CYP19A1: variants seen among roughly 807,000 people sequenced by gnomAD.
The protein encoded by CYP19A1 is cytochrome P450 family 19 subfamily A member 1.
A neutral mutation model predicts 44.4 loss-of-function variants in CYP19A1; 32 were observed. That is an observed-to-expected ratio of 0.72 (90% confidence interval 0.54 to 0.97). The LOEUF (loss-of-function observed/expected upper bound fraction) is 0.97. Among genes scored for constraint, CYP19A1 ranks in the 50% least tolerant of loss-of-function variants. The pLI, the probability that CYP19A1 is intolerant of heterozygous loss-of-function variation, is 0.00. For synonymous variants in CYP19A1, 212 were observed against 215.6 expected (o/e 0.98, Z 0.14); for missense variants, 598 against 637.8 (o/e 0.94, Z 0.67).
intron 2 of CYP19A1, among the ~76,000 whole-genome samples, chr15:51,242,485 T>C (rs1201880700): frequency 1.3e-5 from 2 of 152,110 alleles, no homozygotes; most frequent in African/African-American, 4.8e-5. Flanking sequence ...CTCCACCCCA[T>C]CTTGAGCTTG....
At chr15:51,321,315 C>T (rs1200572009) in intron 1 of CYP19A1, among the ~76,000 whole-genome samples, 2 of 152,194 alleles carry the variant, frequency 1.3e-5, no homozygotes, top group Non-Finnish European at 2.9e-5. Context: ...CTAGATCCCC[C>T]ATGACTGCCT....
At position 51,277,961 on chromosome 15, in the gene CYP19A1, T is replaced by TTTTG. The variant is rs1555395950; in HGVS notation, c.-38-35012_-38-35011insCAAA. 39 of 148,766 alleles carry TTTTG rather than the reference T, an allele frequency of 2.6e-4. 1 individual carries two copies. Among genetic ancestry groups the TTTTG allele is most frequent in the African/African-American group, 9.3e-4 (37 of 39,598 alleles). The allele number at this position is 148,766 out of a possible 1,614,324, so 9.2% of individuals were successfully genotyped here. A position where few individuals can be genotyped will look rare whatever the true frequency, so the allele number is the denominator to read the frequency against. On this transcript the variant is annotated intron_variant, in intron 1 of 9. Transcript: ENST00000396402. ...TCTTCAATAGTTGCATGAGTTTTTTTTTTTTTTTTTTTTTTCCCCAGGAAA... is the reference window on the plus strand; with the variant it reads ...TCTTCAATAGTTGCATGAGTTTTTTTTTTGTTTTTTTTTTTTTTTCCCCAGGAAA...
At chr15:51,272,539 C>CACTA (rs1156264528) in intron 1 of CYP19A1, among the ~76,000 whole-genome samples, 1 of 152,154 alleles carries the variant, frequency 6.6e-6, no homozygotes, top group Non-Finnish European at 1.5e-5. Flanking sequence ...AGGTAGTGAA[C>CACTA]ACTAAATAAG....
chr15:51,260,431 G>T (rs983832946), intron 1 of CYP19A1, among the ~76,000 whole-genome samples: 1 of 152,168 alleles, frequency 6.6e-6, no homozygotes, highest in Admixed American at 6.5e-5. Flanking sequence ...GCTAAAGCAG[G>T]CCCACACAGA....
chr15:51,233,270 T>A (rs995401418), intron 3 of CYP19A1, among the ~76,000 whole-genome samples: 5 of 152,204 alleles, frequency 3.3e-5, no homozygotes, highest in African/African-American at 1.2e-4. Flanking sequence ...CCCGGGACTA[T>A]GCCAGTTTCA....
At chr15:51,272,144 C>G (rs11632903) in intron 1 of CYP19A1, among the ~76,000 whole-genome samples, 1 of 151,930 alleles carries the variant, frequency 6.6e-6, no homozygotes, top group South Asian at 2.1e-4. Context: ...TGAGTGCCAA[C>G]TTTCTGTCCA....
rs145794302 is a variant in CYP19A1 at position 51,271,808 on chromosome 15, T to C, written c.-38-28858A>G. On this transcript the variant is annotated intron_variant, in intron 1 of 9. Transcript: ENST00000396402. Reference sequence around the variant, plus strand: ...TCTTCTAGTTCATATTATCCCCCCATCAGGGTCAATGTTACTTTGACAAAA... The same window carrying C: ...TCTTCTAGTTCATATTATCCCCCCACCAGGGTCAATGTTACTTTGACAAAA... Among the ~76,000 whole-genome samples, 9 of 152,362 alleles carry C rather than the reference T, an allele frequency of 5.9e-5. No individual in the cohort carries two copies. In the East Asian group the frequency reaches 1.5e-3, roughly 26 times the overall value.
Position 51,236,968 on chromosome 15 carries a change from C to G in CYP19A1, c.187G>C (p.Gly63Arg). 6.2e-7 allele frequency: 1 copy of G among 1,614,126 alleles called. No homozygotes were observed. Reference protein sequence around the residue: ...CMGIGPLISHGRFLWMGIGSA... With the variant: ...CMGIGPLISHRRFLWMGIGSA... ...CCGATCCCCATCCACAGGAATCTGC[C>G]GTGGGAGATGAGGGGTCCAATTCCC... is the stretch of plus-strand genomic sequence containing the variant. Residue 63 changes from glycine (G) to arginine (R), a missense_variant, in exon 3 of 10, where the codon GGC becomes CGC. By Grantham distance (125) the Gly-to-Arg change is moderately radical (BLOSUM62 -2). Transcript: ENST00000396402.
chr15:51,211,668 A>G (rs1344451356), intron 9 of CYP19A1: 1 of 446,792 alleles, frequency 2.2e-6, no homozygotes, highest in East Asian at 7.1e-5. Flanking sequence ...ATTTAGCATC[A>G]TGTTTCTACA....
intron 1 of CYP19A1, among the ~76,000 whole-genome samples, chr15:51,251,807 A>G: frequency 6.6e-6 from 1 of 152,158 alleles, no homozygotes; most frequent in Non-Finnish European, 1.5e-5. Context: ...TAATGAACAG[A>G]CTGTGAGGCC....
intron 1 of CYP19A1, among the ~76,000 whole-genome samples, chr15:51,310,177 C>T (rs995874134): frequency 3.3e-5 from 5 of 152,182 alleles, no homozygotes; most frequent in African/African-American, 1.2e-4. Context: ...ATGCATTGCA[C>T]ACTATCTCCC....
At chr15:51,310,781 G>C (rs1297074047) in intron 1 of CYP19A1, among the ~76,000 whole-genome samples, 2 of 152,216 alleles carry the variant, frequency 1.3e-5, no homozygotes, top group East Asian at 3.8e-4. Flanking sequence ...AGGAAAAGGA[G>C]CTGGTCCTTT....
intron 1 of CYP19A1, among the ~76,000 whole-genome samples, chr15:51,287,290 G>A (rs1383945207): frequency 1.3e-5 from 2 of 152,144 alleles, no homozygotes; most frequent in Non-Finnish European, 2.9e-5. Context: ...CTCAGTCAAG[G>A]GAGAAGAAAG....
At chr15:51,274,796 AT>A (rs199653571) in intron 1 of CYP19A1, among the ~76,000 whole-genome samples, 22 of 151,856 alleles carry the variant, frequency 1.4e-4, no homozygotes, top group Admixed American at 5.9e-4. Context: ...TTAGAAGAAG[AT>A]TTTTTTTTAA....
chr15:51,262,227 G>C (rs1471898419), intron 1 of CYP19A1, among the ~76,000 whole-genome samples: 2 of 152,162 alleles, frequency 1.3e-5, no homozygotes, highest in Admixed American at 1.3e-4. Flanking sequence ...GTTTCTGTAA[G>C]GAATACTTTT....
intron 1 of CYP19A1, among the ~76,000 whole-genome samples, chr15:51,313,568 G>T (rs867345197): frequency 2.6e-5 from 4 of 152,154 alleles, no homozygotes; most frequent in African/African-American, 4.8e-5. Context: ...AGGCTGAGGT[G>T]GGGGGATCAC....
In CYP19A1 at chr15:51,210,557, G is replaced by T; in HGVS notation, c.*251C>A. 1.6e-6 allele frequency: 1 copy of T among 638,418 alleles called. No homozygotes were observed. Among genetic ancestry groups the T allele is most frequent in the Non-Finnish European group, 2.9e-6 (1 of 342,464 alleles). The allele number at this position is 638,418 out of a possible 1,614,324, so 39.5% of individuals were successfully genotyped here. A position where few individuals can be genotyped will look rare whatever the true frequency, so the allele number is the denominator to read the frequency against. ...GTGGAATCGGGTCTTTATGGATACG[G>T]TTTCTTCACCGACTATTTCTCCCTC... On this transcript the variant is annotated 3_prime_UTR_variant, in exon 10 of 10. Coordinates refer to ENST00000396402, the MANE Select transcript of CYP19A1 (RefSeq NM_000103.4).
At chr15:51,238,951 T>G (rs1259560746) in intron 2 of CYP19A1, among the ~76,000 whole-genome samples, 2 of 152,154 alleles carry the variant, frequency 1.3e-5, no homozygotes, top group African/African-American at 4.8e-5. Flanking sequence ...GAGGAGAGTA[T>G]GTGAAAAATA....
chr15:51,238,145 T>C (rs1222250550), intron 2 of CYP19A1, among the ~76,000 whole-genome samples: 1 of 152,222 alleles, frequency 6.6e-6, no homozygotes, highest in Admixed American at 6.5e-5. Context: ...TTTTTTCCCT[T>C]TAAATAAAAG....
Sources: allele counts gnomAD v4.1 joint callset (sites outside exome capture counted in the v4.1 genomes callset), GRCh38; gene constraint gnomAD v4.1.1; transcripts MANE v1.5; gene names NCBI Gene and HGNC (gene_info 2026-07-23, HGNC 2026-07-21).